The following ARHGEF9 variants were observed in gnomAD, a reference collection of about 807,000 sequenced individuals.
ARHGEF9 encodes rho guanine nucleotide exchange factor 9.
A neutral mutation model predicts 41.3 loss-of-function variants in ARHGEF9; 2 were observed. That is an observed-to-expected ratio of 0.05 (90% CI 0.02 to 0.15). The LOEUF is 0.15. Ranked by LOEUF, ARHGEF9 falls within the 10% of genes least tolerant of loss-of-function variation. ARHGEF9 has a pLI of 1.00. For synonymous variants in ARHGEF9, 160 were observed against 154.4 expected, an observed-to-expected ratio of 1.04 and a Z score of -0.27; for missense variants, 225 against 424.7, an observed-to-expected ratio of 0.53 and a Z score of 4.13.
chrX:63,756,704 G>C (rs1213662672), intron 1 of ARHGEF9, among the ~76,000 whole-genome samples: 1 of 112,220 alleles, frequency 8.9e-6, no homozygotes, highest in East Asian at 2.8e-4. Flanking sequence ...CTTATAGCAA[G>C]TAATAGTCAA....
chrX:63,693,272 T>G (rs1416438232), intron 4 of ARHGEF9, among the ~76,000 whole-genome samples: 2 of 111,835 alleles, frequency 1.8e-5, no homozygotes, highest in African/African-American at 3.2e-5. Context: ...CACAAATAAA[T>G]GATAAATGTT....
Position 63,706,276 on chromosome X carries a change from G to A in ARHGEF9, c.384C>T (p.His128=). Residue 128 remains histidine (H), a synonymous_variant, in exon 3 of 10, where the codon CAC becomes CAT. Coordinates refer to ENST00000671741, the MANE Select transcript of ARHGEF9 (RefSeq NM_001353921.2). The part of the protein sequence containing the change: ...IMSTERHYIK[H]LKDICEGYLK... ...TGGTTACCTCACAAATATCCTTGAG[G>A]TGCTTGATGTAGTGACGCTCAGTGC... 8.3e-7 allele frequency: 1 copy of A among 1,203,185 alleles called. No individual in the cohort carries two copies.
intron 1 of ARHGEF9, among the ~76,000 whole-genome samples, chrX:63,782,933 C>G (rs782592284): frequency 7.1e-5 from 8 of 112,682 alleles, no homozygotes; most frequent in Admixed American, 3.7e-4. Context: ...GCCTCTCAGG[C>G]AAGAATAGAG....
chrX:63,646,502 CTTGT>C (rs1359042619), intron 8 of ARHGEF9, among the ~76,000 whole-genome samples: 1 of 111,872 alleles, frequency 8.9e-6, no homozygotes, highest in African/African-American at 3.3e-5. Flanking sequence ...TTCCCCATTG[CTTGT>C]TTTTCTCAGG....
chrX:63,695,425 A>G (rs1206768476), intron 4 of ARHGEF9, among the ~76,000 whole-genome samples: 3 of 111,677 alleles, frequency 2.7e-5, no homozygotes, highest in Non-Finnish European at 5.6e-5. Context: ...ATTCCAACAC[A>G]TACGACACTG....
chrX:63,648,361 G>A lies in ARHGEF9; in HGVS notation c.1322-4313C>T, dbSNP rs782664684. Among the ~76,000 whole-genome samples, 9 of 111,142 alleles carry A rather than the reference G, an allele frequency of 8.1e-5. No individual in the cohort carries two copies. In the East Asian group the frequency reaches 1.7e-3, roughly 21 times the overall value. On this transcript the variant is annotated intron_variant, in intron 8 of 9. Transcript: ENST00000671741. ...TATCCAGCCAAACTAAGCTTCATAA[G>A]TGAAGGAGAAATAAAATCCTTTACA...
intron 2 of ARHGEF9, among the ~76,000 whole-genome samples, chrX:63,718,503 G>A (rs1264467253): frequency 2.7e-5 from 3 of 110,251 alleles, no homozygotes; most frequent in Non-Finnish European, 5.7e-5. Context: ...AAACCCGGGG[G>A]TTGATTACAC....
intron 8 of ARHGEF9, among the ~76,000 whole-genome samples, chrX:63,647,011 T>C (rs1285580936): frequency 8.9e-6 from 1 of 111,820 alleles, no homozygotes; most frequent in African/African-American, 3.3e-5. Context: ...GGGAGTTCAC[T>C]CATGATTTGG....
chrX:63,642,745 C>A (rs1400083028), intron 9 of ARHGEF9: 1 of 111,528 alleles, frequency 9.0e-6, no homozygotes, highest in Non-Finnish European at 1.9e-5. Context: ...ACCACAAAGC[C>A]CACTGAGAAA....
At chrX:63,774,049 CT>C (rs2056248366) in intron 1 of ARHGEF9, among the ~76,000 whole-genome samples, 2 of 25,320 alleles carry the variant, frequency 7.9e-5, no homozygotes, top group African/African-American at 5.1e-4. Flanking sequence ...ATTATAATAT[CT>C]ATCTATCTAT....
At chrX:63,755,801 CTATT>C (rs1450264907) in intron 1 of ARHGEF9, 1 of 736,938 alleles carries the variant, frequency 1.4e-6, no homozygotes, top group African/African-American at 2.3e-5. Flanking sequence ...AAATCCAATT[CTATT>C]TGGCTTTCCC....
intron 4 of ARHGEF9, among the ~76,000 whole-genome samples, chrX:63,693,536 C>T (rs1359870909): frequency 1.0e-4 from 10 of 98,804 alleles, no homozygotes; most frequent in African/African-American, 3.1e-4. Context: ...TGCTGGAACC[C>T]GGGAGTCAGA....
chrX:63,646,232 C>A (rs1345657996), intron 8 of ARHGEF9, among the ~76,000 whole-genome samples: 16 of 111,463 alleles, frequency 1.4e-4, no homozygotes, highest in African/African-American at 4.6e-4. Flanking sequence ...TCTTTAGTTT[C>A]ATTAGATCTC....
At chrX:63,747,264 G>C (rs1556435202) in intron 1 of ARHGEF9, among the ~76,000 whole-genome samples, 2 of 112,055 alleles carry the variant, frequency 1.8e-5, no homozygotes, top group Non-Finnish European at 3.8e-5. Flanking sequence ...CAAATGAGCA[G>C]AATCTTCCCC....
At chrX:63,694,828 A>G (rs2051627856) in intron 4 of ARHGEF9, among the ~76,000 whole-genome samples, 1 of 112,143 alleles carries the variant, frequency 8.9e-6, no homozygotes, top group Non-Finnish European at 1.9e-5. Context: ...TACACTTAAA[A>G]TCACTTAAAA....
intron 8 of ARHGEF9, among the ~76,000 whole-genome samples, chrX:63,652,322 G>A (rs1336295967): frequency 2.5e-4 from 28 of 111,459 alleles, no homozygotes; most frequent in African/African-American, 7.8e-4. Flanking sequence ...AGAAAAAAGC[G>A]GCTGGTTGCT....
intron 1 of ARHGEF9, among the ~76,000 whole-genome samples, chrX:63,731,406 C>T (rs2054272320): frequency 9.0e-6 from 1 of 110,605 alleles, no homozygotes. Flanking sequence ...AATCATCCTC[C>T]CTATTTTTGG....
rs1183559519 is a variant in ARHGEF9, at chrX:63,635,329, C to T, written c.*2699G>A. On this transcript the variant is annotated 3_prime_UTR_variant, in exon 10 of 10. Transcript: ENST00000671741. ...AATTAGATGTCTGTCTTAGGACTCC[C>T]CACAGCAGGTCCCATTGAACACACT... 7.7e-6 allele frequency: 4 copies of T among 520,708 alleles called. No individual in the cohort carries two copies. The highest frequency in any genetic ancestry group is 1.4e-5 in the Non-Finnish European group (4 of 285,631). The allele number at this position is 520,708 out of a possible 1,213,427, so 42.9% of individuals were successfully genotyped here.
At chrX:63,743,614 C>A (rs371539734) in intron 1 of ARHGEF9, among the ~76,000 whole-genome samples, 4 of 112,320 alleles carry the variant, frequency 3.6e-5, no homozygotes, top group African/African-American at 9.7e-5. Context: ...CAAGAACCTG[C>A]AATTTCTAAA....
Sources: allele counts gnomAD v4.1 joint callset (sites outside exome capture counted in the v4.1 genomes callset), GRCh38; gene constraint gnomAD v4.1.1; transcripts MANE v1.5; gene names NCBI Gene and HGNC (gene_info 2026-07-23, HGNC 2026-07-21).